The following FRS2 variants were observed in gnomAD, a reference collection of about 807,000 sequenced individuals.
The protein encoded by FRS2 is fibroblast growth factor receptor substrate 2.
A neutral mutation model predicts 43.9 loss-of-function variants in FRS2; 8 were observed. The observed-to-expected ratio is 0.18, with a 90% CI of 0.11 to 0.33. The LOEUF is 0.33. FRS2 is among the 10% of genes least tolerant of loss of function. The pLI, the probability that FRS2 is intolerant of heterozygous loss-of-function variation, is 1.00. For synonymous variants in FRS2, 219 were observed against 220.3 expected (o/e 0.99, Z 0.05); for missense variants, 534 against 627.6 (o/e 0.85, Z 1.59).
chr12:69,528,854 A>G (rs73341749), intron 1 of FRS2, among the ~76,000 whole-genome samples: 1,566 of 152,342 alleles, frequency 0.01, 23 homozygotes, highest in African/African-American at 0.036. Flanking sequence ...GAAATAAGCC[A>G]GAGAGAGAGA....
chr12:69,521,906 G>A (rs1173566570), intron 1 of FRS2, among the ~76,000 whole-genome samples: 1 of 152,142 alleles, frequency 6.6e-6, no homozygotes, highest in Admixed American at 6.5e-5. Context: ...GAGCCACCGC[G>A]CCCAGCCTTG....
chr12:69,494,919 G>A (rs1354535682), intron 1 of FRS2, among the ~76,000 whole-genome samples: 2 of 151,932 alleles, frequency 1.3e-5, no homozygotes, highest in African/African-American at 4.8e-5. Flanking sequence ...GATTATAGAC[G>A]CCCACCATCA....
At chr12:69,538,527 C>T (rs139421921) in intron 3 of FRS2, among the ~76,000 whole-genome samples, 1,557 of 151,566 alleles carry the variant, frequency 0.01, 22 homozygotes, top group African/African-American at 0.036. Context: ...TAAAATGATT[C>T]ATGCCTTTTT....
Position 69,569,078 on chromosome 12 carries a change from C to T in FRS2, c.48C>T (p.Asn16=). The T allele has an allele frequency of 6.2e-7, 1 of 1,610,728 alleles. No homozygotes were observed. Among genetic ancestry groups the T allele is most frequent in the Non-Finnish European group, 8.5e-7 (1 of 1,177,436 alleles). The change falls in exon 5 of 9, where the codon AAC becomes AAT. Residue 16 remains asparagine, a synonymous_variant. Transcript: ENST00000549921. ...CAGATAAAGACACTGTCCCAGATAA[C>T]CATCGGAACAAGTTTAAGGTCAGTA... ...SCPDKDTVPD[N]HRNKFKVINV...
chr12:69,550,392 G>C (rs1169670950), intron 3 of FRS2, among the ~76,000 whole-genome samples: 1 of 152,156 alleles, frequency 6.6e-6, no homozygotes, highest in South Asian at 2.1e-4. Flanking sequence ...ATGAAGTGTA[G>C]GGAGTGTTGG....
chr12:69,548,226 G>A (rs531886511), intron 3 of FRS2, among the ~76,000 whole-genome samples: 21 of 152,246 alleles, frequency 1.4e-4, no homozygotes, highest in Admixed American at 1.1e-3. Flanking sequence ...ACAATCAGAG[G>A]CAAAGACCAA....
intron 1 of FRS2, among the ~76,000 whole-genome samples, chr12:69,471,886 C>T (rs1870332334): frequency 6.6e-6 from 1 of 152,100 alleles, no homozygotes; most frequent in South Asian, 2.1e-4. Context: ...CTCTTTCCTC[C>T]CACCCCTGAA....
intron 4 of FRS2, among the ~76,000 whole-genome samples, chr12:69,566,857 C>T (rs1195932036): frequency 3.3e-5 from 5 of 152,190 alleles, no homozygotes; most frequent in African/African-American, 1.2e-4. Context: ...GAACATGTCC[C>T]TAGCTTGTTC....
intron 1 of FRS2, among the ~76,000 whole-genome samples, chr12:69,478,475 A>G (rs917349317): frequency 2.6e-5 from 4 of 152,204 alleles, no homozygotes; most frequent in South Asian, 2.1e-4. Context: ...GTGCAGCTCT[A>G]TAAGGTTAGG....
chr12:69,517,464 C>A (rs1288902218), intron 1 of FRS2, among the ~76,000 whole-genome samples: 1 of 151,354 alleles, frequency 6.6e-6, no homozygotes, highest in East Asian at 1.9e-4. Context: ...TCAACCTGTA[C>A]ATTTTTTTTT....
chr12:69,511,118 C>T (rs1030900134), intron 1 of FRS2, among the ~76,000 whole-genome samples: 1 of 152,062 alleles, frequency 6.6e-6, no homozygotes, highest in East Asian at 1.9e-4. Flanking sequence ...CTTTTTTTCT[C>T]CCTGAGGAGG....
chr12:69,530,815 TTATAA>T (rs1315695614), intron 1 of FRS2, 45 bp from the exon 2 acceptor site: 3 of 152,570 alleles, frequency 2.0e-5, no homozygotes, highest in African/African-American at 2.4e-5. Context: ...AAGAGTTTTG[TTATAA>T]TATATTCAAG....
intron 1 of FRS2, among the ~76,000 whole-genome samples, chr12:69,511,901 A>G (rs1874495065): frequency 2.0e-5 from 3 of 152,150 alleles, no homozygotes; most frequent in Non-Finnish European, 4.4e-5. Flanking sequence ...GTTTTTCTCT[A>G]TACTCTTTAT....
At chr12:69,520,639 A>G (rs887692435) in intron 1 of FRS2, among the ~76,000 whole-genome samples, 3 of 152,114 alleles carry the variant, frequency 2.0e-5, no homozygotes, top group East Asian at 1.9e-4. Flanking sequence ...GCATATGGCT[A>G]TCAGTTATCC....
intron 1 of FRS2, among the ~76,000 whole-genome samples, chr12:69,492,794 T>C (rs1248915108): frequency 6.6e-6 from 1 of 152,212 alleles, no homozygotes; most frequent in African/African-American, 2.4e-5. Flanking sequence ...CTGGTCTCAC[T>C]TGGTAGCAAT....
At chr12:69,476,254 T>C (rs755402170) in intron 1 of FRS2, among the ~76,000 whole-genome samples, 23 of 152,318 alleles carry the variant, frequency 1.5e-4, no homozygotes, top group Non-Finnish European at 2.8e-4. Flanking sequence ...TCAATACTTA[T>C]AACATATTTC....
At chr12:69,550,161 C>T (rs1878747455) in intron 3 of FRS2, among the ~76,000 whole-genome samples, 1 of 152,146 alleles carries the variant, frequency 6.6e-6, no homozygotes, top group African/African-American at 2.4e-5. Flanking sequence ...TCCTATGTTC[C>T]CTGGCTCAAT....
chr12:69,506,457 A>G (rs747753148), intron 1 of FRS2, among the ~76,000 whole-genome samples: 6 of 152,122 alleles, frequency 3.9e-5, no homozygotes, highest in Non-Finnish European at 7.4e-5. Context: ...TAAATTTGGG[A>G]AGTACTGATA....
chr12:69,539,507 A>G (rs968688416), intron 3 of FRS2, among the ~76,000 whole-genome samples: 1 of 152,204 alleles, frequency 6.6e-6, no homozygotes, highest in African/African-American at 2.4e-5. Flanking sequence ...GGTGATTTAT[A>G]CAATATTTTA....
Sources: gnomAD v4.1 joint callset for allele counts (sites outside exome capture counted in the v4.1 genomes callset) on GRCh38, gnomAD v4.1.1 for gene constraint, MANE v1.5 for transcripts, NCBI Gene and HGNC (gene_info 2026-07-23, HGNC 2026-07-21) for gene names.